The following USP16 variants were observed in gnomAD, a reference collection of about 807,000 sequenced individuals.
USP16 encodes ubiquitin carboxyl-terminal hydrolase 16.
In USP16, 77 loss-of-function variants were observed where a neutral mutation model predicts 95.9. The ratio of observed to expected loss-of-function variants is 0.80; its 90% CI spans 0.67 to 0.97. USP16 has a LOEUF of 0.97. USP16 is among the 50% of genes least tolerant of loss of function. The probability of loss-of-function intolerance (pLI) is 0.00; values close to 1 mark genes in which losing one functional copy is unlikely to be tolerated. For missense variants in USP16, 943 were observed against 959.9 expected (o/e 0.98, Z 0.23); for synonymous variants, 303 against 318.2 (o/e 0.95, Z 0.51).
chr21:29,036,395 A>G (rs755024403), intron 5 of USP16, 21 bp downstream of exon 5: 1 of 1,603,398 alleles, frequency 6.2e-7, no homozygotes, highest in Non-Finnish European at 8.5e-7. Context: ...TTGTTTCTTT[A>G]ATATACACCA....
At chr21:29,035,886 G>A (rs944897826) in intron 4 of USP16, among the ~76,000 whole-genome samples, 1 of 151,968 alleles carries the variant, frequency 6.6e-6, no homozygotes, top group African/African-American at 2.4e-5. Flanking sequence ...GCCACTGCAC[G>A]CAGCCTGGGC....
In USP16 at chr21:29,038,390, G is replaced by C; in HGVS notation, c.692G>C (p.Gly231Ala). The change falls in exon 7 of 18, where the codon GGA (glycine) becomes GCA (alanine). Residue 231 changes from glycine to alanine, a missense_variant. Transcript: ENST00000399976. ...CTACTAAAAGAAGTGAAAATGTCTGGAACAATTGTAAAAATTGAACCACCT... is the reference window on the plus strand; with the variant it reads ...CTACTAAAAGAAGTGAAAATGTCTGCAACAATTGTAAAAATTGAACCACCT... ...RELLKEVKMSGTIVKIEPPDL... is the reference protein window; with the variant it reads ...RELLKEVKMSATIVKIEPPDL... 6.2e-7 allele frequency: 1 copy of C among 1,612,574 alleles called. No individual in the cohort carries two copies. Among genetic ancestry groups the C allele is most frequent in the Non-Finnish European group, 8.5e-7 (1 of 1,179,080 alleles).
At chr21:29,042,779 A>G (rs980256746) in intron 12 of USP16, 3 of 352,030 alleles carry the variant, frequency 8.5e-6, no homozygotes, top group Admixed American at 4.9e-5. Flanking sequence ...CCATACAGTG[A>G]AGTATTTTCC....
chr21:29,029,922 G>A (rs184871057), intron 2 of USP16, among the ~76,000 whole-genome samples: 1 of 152,172 alleles, frequency 6.6e-6, no homozygotes, highest in Non-Finnish European at 1.5e-5. Flanking sequence ...TAGGGTGATT[G>A]TAAGGATTAA....
intron 10 of USP16, among the ~76,000 whole-genome samples, chr21:29,041,661 G>A (rs1295109159): frequency 6.6e-6 from 1 of 152,142 alleles, no homozygotes; most frequent in Non-Finnish European, 1.5e-5. Flanking sequence ...GAACTAGGCT[G>A]TCATTCAGCC....
In USP16 at chr21:29,039,514, C is replaced by T. The variant is rs146992992; in HGVS notation, c.897C>T (p.Asp299=). The T allele has an allele frequency of 5.0e-4, 807 of 1,613,340 alleles. No individual in the cohort carries two copies. The highest frequency in any genetic ancestry group is 9.3e-4 in the Admixed American group (56 of 60,016). Residue 299 remains aspartate, a synonymous_variant, in exon 9 of 18, where the codon GAC becomes GAT. Transcript: ENST00000399976. ...GGTTTAAAGGCTATCAGCAGCAAGACAGCCAGGAGCTGCTTCGCTACTTAT... is the reference window on the plus strand; with the variant it reads ...GGTTTAAAGGCTATCAGCAGCAAGATAGCCAGGAGCTGCTTCGCTACTTAT... The part of the protein sequence containing the change: ...AVRFKGYQQQ[D]SQELLRYLLD...
Position 29,043,579 on chromosome 21 carries a change from C to T in USP16, c.1336C>T (p.Gln446Ter), listed in dbSNP as rs1490931761. Residue 446 changes from glutamine to a stop codon, truncating the protein, a stop_gained, in exon 13 of 18, where the codon CAA (glutamine) becomes TAA (stop). Transcript: ENST00000399976. LOFTEE classifies it high-confidence loss of function. ...GCACTTACAGAAAAAAGCAAAGAAACAAGCCAAAAAGCAAGCCAAGGTGGG... is the reference window on the plus strand; with the variant it reads ...GCACTTACAGAAAAAAGCAAAGAAATAAGCCAAAAAGCAAGCCAAGGTGGG... ...SKHLQKKAKK[Q>*]AKKQAKNQRR... is the part of the protein sequence containing the mutation. 1 of 1,550,062 alleles carries T rather than the reference C, an allele frequency of 6.5e-7. No individual in the cohort carries two copies. The highest frequency in any genetic ancestry group is 2.2e-5 in the Admixed American group (1 of 46,070).
At chr21:29,035,982 T>C (rs1005092196) in intron 4 of USP16, among the ~76,000 whole-genome samples, 1 of 152,246 alleles carries the variant, frequency 6.6e-6, no homozygotes, top group African/African-American at 2.4e-5. Flanking sequence ...TATTCTGTAT[T>C]TTAAAATATA....
intron 13 of USP16, among the ~76,000 whole-genome samples, chr21:29,043,932 T>C (rs2085282833): frequency 6.6e-6 from 1 of 151,958 alleles, no homozygotes; most frequent in Non-Finnish European, 1.5e-5. Flanking sequence ...CTCCCACCAC[T>C]GTTTTTTTTT....
At chr21:29,039,214 T>C in intron 8 of USP16, 58 bp downstream of exon 8, 1 of 1,331,312 alleles carries the variant, frequency 7.5e-7, no homozygotes. Context: ...AGAAATAATA[T>C]TAATATTAAA....
rs748397832 is a variant in USP16 at position 29,046,933 on chromosome 21, C to T, written c.1623C>T (p.Asn541=). 3.1e-6 allele frequency: 5 copies of T among 1,614,114 alleles called. No homozygotes were observed. The highest frequency in any genetic ancestry group is 4.2e-6 in the Non-Finnish European group (5 of 1,180,006). The change falls in exon 14 of 18, where the codon AAC becomes AAT. Residue 541 remains asparagine, a synonymous_variant. Transcript: ENST00000399976. ...AGGAAGTAGATATGAAAAATATCAA[C>T]ATGGATAATGATCTGGAGGTTTTAA... is the stretch of plus-strand genomic sequence containing the variant. The part of the protein sequence containing the change: ...STEEVDMKNI[N]MDNDLEVLTS...
At position 29,042,113 on chromosome 21, in the gene USP16, A is replaced by T. The variant is rs758789634; in HGVS notation, c.1122+9A>T. On this transcript the variant is annotated intron_variant, in intron 11 of 17. Transcript: ENST00000399976. ...GTGATCAATGCAGAACTGTAAGTAG[A>T]TGTCATGTATACTGGGTTTATTTGC... The T allele has an allele frequency of 1.5e-5, 24 of 1,604,350 alleles. No homozygotes were observed. The Admixed American group carries it at 2.2e-4, about 15-fold the overall frequency.
At chr21:29,047,360 A>AG (rs1167094304) in intron 14 of USP16, 39 bp downstream of exon 14, 2 of 1,564,940 alleles carry the variant, frequency 1.3e-6, no homozygotes, top group Admixed American at 3.7e-5. Flanking sequence ...ATTAATATTC[A>AG]GGGGCACATT....
chr21:29,047,909 C>CTG (rs975235736), intron 14 of USP16, among the ~76,000 whole-genome samples: 2 of 149,508 alleles, frequency 1.3e-5, no homozygotes, highest in African/African-American at 2.5e-5. Context: ...AAAAGTAAGC[C>CTG]TGTGTGTGTG....
At chr21:29,039,000 A>G in intron 7 of USP16, 26 bp from the exon 8 acceptor site, 1 of 1,475,036 alleles carries the variant, frequency 6.8e-7, no homozygotes, top group Non-Finnish European at 9.0e-7. Flanking sequence ...TTGACTGAAG[A>G]AAGTAATTTC....
In USP16 at chr21:29,027,987, G is replaced by A. The variant is rs2146357152; in HGVS notation, c.61+13G>A. On this transcript the variant is annotated intron_variant, in intron 2 of 17. Coordinates refer to ENST00000399976, the MANE Select transcript of USP16 (RefSeq NM_006447.3). ...TCTGAAACTTTAGGTATATTTCATT[G>A]ATTGAATCTTTAATGTTTATATCTC... The A allele has an allele frequency of 1.3e-6, 2 of 1,582,572 alleles. No homozygotes were observed. Among genetic ancestry groups the A allele is most frequent in the Admixed American group, 3.3e-5 (2 of 59,868 alleles).
chr21:29,037,259 C>T lies in USP16; in HGVS notation c.449-17C>T, dbSNP rs2085172125. On this transcript the variant is annotated splice_polypyrimidine_tract_variant and intron_variant, in intron 5 of 17. Coordinates refer to ENST00000399976, the MANE Select transcript of USP16 (RefSeq NM_006447.3). ...GACTGTATTACACATTTTGCTAAAT[C>T]TTTTCTTTTTTTAAAGCAGAGAAAG... 2.0e-6 allele frequency: 3 copies of T among 1,474,658 alleles called. No homozygotes were observed. The highest frequency in any genetic ancestry group is 1.8e-6 in the Non-Finnish European group (2 of 1,085,082). 91.3% of individuals were successfully genotyped at this position (1,474,658 alleles called of 1,614,324 possible). A position where few individuals can be genotyped will look rare whatever the true frequency, so the allele number is the denominator to read the frequency against.
chr21:29,031,834 A>G (rs897785124), intron 3 of USP16, among the ~76,000 whole-genome samples: 4 of 152,224 alleles, frequency 2.6e-5, no homozygotes, highest in South Asian at 2.1e-4. Flanking sequence ...AGAAATCCCT[A>G]TGCATTTTTC....
Position 29,034,882 on chromosome 21 carries a change from C to G in USP16, c.286C>G (p.Leu96Val). 6.2e-7 allele frequency: 1 copy of G among 1,614,148 alleles called. No individual in the cohort carries two copies. Among genetic ancestry groups the G allele is most frequent in the Non-Finnish European group, 8.5e-7 (1 of 1,180,018 alleles). Residue 96 changes from leucine to valine, a missense_variant, in exon 4 of 18, where the codon CTG (leucine) becomes GTG (valine). Leu to Val is a conservative substitution (Grantham distance 32). Coordinates refer to ENST00000399976, the MANE Select transcript of USP16 (RefSeq NM_006447.3). The part of the protein sequence containing the change: ...SQEQHALKHY[L>V]TPRSEPHCLV... ...GGAGCAGCATGCCTTGAAGCACTAT[C>G]TGACGCCAAGATCTGAACCTCACTG...
Sources: gnomAD v4.1 joint callset for allele counts (sites outside exome capture counted in the v4.1 genomes callset) on GRCh38, gnomAD v4.1.1 for gene constraint, MANE v1.5 for transcripts, NCBI Gene and HGNC (gene_info 2026-07-23, HGNC 2026-07-21) for gene names.